Variants in KALRN observed in about 807,000 individuals in gnomAD.
KALRN encodes the protein kalirin RhoGEF kinase, also known as kalirin.
A neutral mutation model predicts 353.7 loss-of-function variants in KALRN; 70 were observed. The ratio of observed to expected loss-of-function variants is 0.20; its 90% CI spans 0.16 to 0.24. The LOEUF (loss-of-function observed/expected upper bound fraction) is 0.24. KALRN is among the 10% of genes least tolerant of loss of function. The probability of loss-of-function intolerance (pLI) is 1.00; values close to 1 mark genes in which losing one functional copy is unlikely to be tolerated. For missense variants in KALRN, 2,791 were observed against 3,756.7 expected, an observed-to-expected ratio of 0.74 and a Z score of 6.72; for synonymous variants, 1,391 against 1,434.8, an observed-to-expected ratio of 0.97 and a Z score of 0.69.
intron 33 of KALRN, 159 bp from the exon 34 acceptor site, chr3:124,562,684 C>A: frequency 1.9e-6 from 1 of 524,134 alleles, no homozygotes; most frequent in Non-Finnish European, 3.0e-6. Context: ...TCTGCCATCT[C>A]TCTGCCCTAA....
chr3:124,324,316 T>C (rs1277222571), intron 6 of KALRN, among the ~76,000 whole-genome samples: 1 of 152,228 alleles, frequency 6.6e-6, no homozygotes, highest in Non-Finnish European at 1.5e-5. Flanking sequence ...CATGCTATTC[T>C]TCCCATAGAA....
chr3:124,289,947 G>A (rs1459760628), intron 5 of KALRN, among the ~76,000 whole-genome samples: 1 of 152,146 alleles, frequency 6.6e-6, no homozygotes, highest in Admixed American at 6.5e-5. Flanking sequence ...AGGGTAAAGG[G>A]CTGAGGTCCA....
intron 33 of KALRN, among the ~76,000 whole-genome samples, chr3:124,544,018 A>G (rs986111653): frequency 6.6e-6 from 1 of 152,222 alleles, no homozygotes; most frequent in African/African-American, 2.4e-5. Flanking sequence ...CATGACCCAT[A>G]TATGTAACTA....
intron 29 of KALRN, chr3:124,488,590 C>T (rs564537787): frequency 5.7e-6 from 2 of 352,596 alleles, no homozygotes; most frequent in African/African-American, 4.1e-5. Flanking sequence ...CCATCACCCT[C>T]ACTGTTGATG....
intron 49 of KALRN, chr3:124,674,883 C>G: frequency 2.9e-6 from 1 of 350,338 alleles, no homozygotes; most frequent in East Asian, 5.1e-5. Flanking sequence ...CTTTCTCCCC[C>G]ACATTCATTA....
chr3:124,671,883 G>C lies in KALRN; in HGVS notation c.6927G>C (p.Lys2309Asn). ...PGFEYHQPGD[K>N]FEASKNDLGG... ...TTGAATACCACCAGCCTGGGGACAA[G>C]TTCGAAGCCAGCAAGGTAAGTGACA... Residue 2309 changes from lysine to asparagine, a missense_variant, in exon 48 of 60, where the codon AAG becomes AAC. This residue lies in a region of KALRN where 1,065 missense variants were observed against 1,156.4 expected (regional missense o/e 0.92). Transcript: ENST00000682506. 1.2e-6 allele frequency: 2 copies of C among 1,613,350 alleles called. No homozygotes were observed. The highest frequency in any genetic ancestry group is 1.7e-6 in the Non-Finnish European group (2 of 1,179,360).
In KALRN at chr3:124,120,711, A is replaced by ATATATATATATATAT. The variant is rs2063898907; in HGVS notation, c.73+86898_73+86899insTATATATATATATAT. 1.8e-3 allele frequency among the ~76,000 whole-genome samples: 173 copies of ATATATATATATATAT among 98,812 alleles called. 4 individuals are homozygous for ATATATATATATATAT. Among genetic ancestry groups the ATATATATATATATAT allele is most frequent in the African/African-American group, 6.6e-3 (155 of 23,390 alleles). The allele number at this position is 98,812 out of a possible 152,430, so 64.8% of individuals were successfully genotyped here. The stretch of plus-strand genomic sequence containing the variant: ...TTACAATCCAGATAGGAATACTAAA[A>ATATATATATATATAT]ATATATATATATATATATATATATA... On this transcript the variant is annotated intron_variant, in intron 1 of 59. Coordinates refer to ENST00000682506, the MANE Select transcript of KALRN (RefSeq NM_001388419.1).
intron 1 of KALRN, among the ~76,000 whole-genome samples, chr3:124,206,950 T>G (rs1488089048): frequency 3.3e-5 from 5 of 152,170 alleles, no homozygotes; most frequent in African/African-American, 7.2e-5. Context: ...CTCAGAACAT[T>G]GGCGTTGGCA....
chr3:124,446,144 A>G lies in KALRN; in HGVS notation c.3314-17A>G. 1.3e-6 allele frequency: 2 copies of G among 1,582,308 alleles called. No individual in the cohort carries two copies. The highest frequency in any genetic ancestry group is 2.2e-5 in the East Asian group (1 of 44,678). On this transcript the variant is annotated splice_polypyrimidine_tract_variant and intron_variant, in intron 19 of 59. Transcript: ENST00000682506. ...TCAGAGCCCCTTGTGACCATCATGC[A>G]TCTCCTCTGCCCACAGCCATCCTGA... is the stretch of plus-strand genomic sequence containing the variant.
At chr3:124,239,882 AG>A (rs5852398) in intron 3 of KALRN, among the ~76,000 whole-genome samples, 7,242 of 152,272 alleles carry the variant, frequency 0.048, 751 homozygotes, top group East Asian at 0.46. Context: ...CATCAATAAA[AG>A]GAGGATGTGG....
At chr3:124,287,803 ATATATATATATATATATATATATG>A (rs1284735855) in intron 5 of KALRN, among the ~76,000 whole-genome samples, 15 of 20,734 alleles carry the variant, frequency 7.2e-4, no homozygotes, top group Middle Eastern at 0.022. Context: ...ATATATATAT[ATATATATATATATATATATATATG>A]TATATAATTT....
At chr3:124,157,558 A>C (rs1213883857) in intron 1 of KALRN, among the ~76,000 whole-genome samples, 1 of 152,268 alleles carries the variant, frequency 6.6e-6, no homozygotes, top group African/African-American at 2.4e-5. Context: ...AGTGTGAGTC[A>C]GATTCAATGT....
At chr3:124,392,937 C>G (rs13078330) in intron 11 of KALRN, among the ~76,000 whole-genome samples, 1 of 107,870 alleles carries the variant, frequency 9.3e-6, no homozygotes, top group African/African-American at 3.6e-5. Flanking sequence ...TCCCTCCCCC[C>G]TCCCCCCACC....
At chr3:124,209,163 G>A (rs1306292457) in intron 1 of KALRN, among the ~76,000 whole-genome samples, 1 of 151,804 alleles carries the variant, frequency 6.6e-6, no homozygotes, top group Non-Finnish European at 1.5e-5. Context: ...GAGTCCACAA[G>A]GAACTGAGAA....
chr3:124,562,627 C>T (rs1043515334), intron 33 of KALRN: 15 of 365,390 alleles, frequency 4.1e-5, no homozygotes, highest in African/African-American at 3.0e-4. Flanking sequence ...GTGCTAATTA[C>T]ATTTTTTTCT....
intron 3 of KALRN, among the ~76,000 whole-genome samples, chr3:124,255,942 TTGTC>T (rs2071907356): frequency 6.6e-6 from 1 of 152,192 alleles, no homozygotes; most frequent in South Asian, 2.1e-4. Flanking sequence ...GGATAATGTG[TTGTC>T]TGTTTTAGCG....
chr3:124,340,569 T>C (rs1344391866), intron 9 of KALRN, among the ~76,000 whole-genome samples: 1 of 152,130 alleles, frequency 6.6e-6, no homozygotes, highest in Non-Finnish European at 1.5e-5. Flanking sequence ...GAATGGTACT[T>C]ACAAAGTCCT....
intron 33 of KALRN, among the ~76,000 whole-genome samples, chr3:124,559,982 T>G (rs2071758757): frequency 6.6e-6 from 1 of 152,246 alleles, no homozygotes; most frequent in African/African-American, 2.4e-5. Context: ...TTGTTTCCAC[T>G]TCTTCCTTTG....
At chr3:124,390,627 A>G (rs1456015565) in intron 11 of KALRN, among the ~76,000 whole-genome samples, 1 of 152,164 alleles carries the variant, frequency 6.6e-6, no homozygotes, top group Non-Finnish European at 1.5e-5. Context: ...TCTTTTCAAA[A>G]TGAGGGAAGA....
Sources: allele counts gnomAD v4.1 joint callset (sites outside exome capture counted in the v4.1 genomes callset), GRCh38; gene constraint gnomAD v4.1.1; regional missense constraint gnomAD v4.1.1; transcripts MANE v1.5; gene names NCBI Gene and HGNC (gene_info 2026-07-23, HGNC 2026-07-21).